Variants in MARCHF6 observed in about 807,000 individuals in gnomAD.
MARCHF6 encodes E3 ubiquitin-protein ligase MARCHF6.
In MARCHF6, 31 loss-of-function variants were observed where a neutral mutation model predicts 133.7. The ratio of observed to expected loss-of-function variants is 0.23; its 90% CI spans 0.17 to 0.31. MARCHF6 has a LOEUF of 0.31. Ranked by LOEUF, MARCHF6 falls within the 10% of genes least tolerant of loss-of-function variation. MARCHF6 has a pLI of 1.00. For missense variants in MARCHF6, 723 were observed against 1,121.6 expected (o/e 0.64, Z 5.08); for synonymous variants, 395 against 402.5 (o/e 0.98, Z 0.22).
intron 22 of MARCHF6, among the ~76,000 whole-genome samples, chr5:10,419,364 T>C (rs938792034): frequency 3.9e-5 from 6 of 152,234 alleles, no homozygotes; most frequent in African/African-American, 1.4e-4. Context: ...TAGAAGTTTT[T>C]GCCCAACTAT....
chr5:10,425,088 C>T (rs1254738499), intron 23 of MARCHF6, among the ~76,000 whole-genome samples: 1 of 152,208 alleles, frequency 6.6e-6, no homozygotes, highest in Non-Finnish European at 1.5e-5. Context: ...GTAAAGTACA[C>T]CTCTTTTTGC....
intron 1 of MARCHF6, among the ~76,000 whole-genome samples, chr5:10,357,150 A>C (rs1165427046): frequency 6.6e-6 from 1 of 151,778 alleles, no homozygotes. Context: ...TAGGAGTCCG[A>C]TCCTGTAATG....
chr5:10,371,737 CA>C (rs1163247563), intron 1 of MARCHF6, among the ~76,000 whole-genome samples: 1 of 152,284 alleles, frequency 6.6e-6, no homozygotes, highest in East Asian at 1.9e-4. Flanking sequence ...GTCAAAGTAA[CA>C]ATTGAATGTT....
At chr5:10,416,537 TAGAA>T (rs1398953137) in intron 21 of MARCHF6, among the ~76,000 whole-genome samples, 1 of 152,218 alleles carries the variant, frequency 6.6e-6, no homozygotes, top group Non-Finnish European at 1.5e-5. Context: ...TCCACATTAT[TAGAA>T]AGTGCCATAT....
intron 22 of MARCHF6, among the ~76,000 whole-genome samples, chr5:10,418,154 G>A (rs569184197): frequency 2.0e-5 from 3 of 152,224 alleles, no homozygotes; most frequent in African/African-American, 7.2e-5. Context: ...CAAGGTGGGT[G>A]GATCACCTGA....
At chr5:10,398,127 A>G (rs779088513) in intron 10 of MARCHF6, among the ~76,000 whole-genome samples, 17 of 152,198 alleles carry the variant, frequency 1.1e-4, no homozygotes, top group Non-Finnish European at 1.3e-4. Flanking sequence ...ATATCCCTAT[A>G]TAGGGATAAT....
In MARCHF6 at chr5:10,415,683, A is replaced by G. The variant is rs1405239931; in HGVS notation, c.2148+14A>G. 2 of 1,601,108 alleles carry G rather than the reference A, an allele frequency of 1.2e-6. No individual in the cohort carries two copies. The highest frequency in any genetic ancestry group is 2.2e-5 in the South Asian group (2 of 90,008). On this transcript the variant is annotated intron_variant, in intron 21 of 25. Coordinates refer to ENST00000274140, the MANE Select transcript of MARCHF6 (RefSeq NM_005885.4). The stretch of plus-strand genomic sequence containing the variant: ...TGGTCTCTCATGGTATGTGTGTGTA[A>G]TACAAGACTGATCTTGTATGTTAGG...
chr5:10,356,683 A>G (rs572708374), intron 1 of MARCHF6, among the ~76,000 whole-genome samples: 28 of 152,156 alleles, frequency 1.8e-4, no homozygotes, highest in Non-Finnish European at 3.8e-4. Context: ...AGCGTGAGCT[A>G]CCGTTCCTGG....
At chr5:10,365,101 C>G (rs1171442860) in intron 1 of MARCHF6, among the ~76,000 whole-genome samples, 1 of 152,116 alleles carries the variant, frequency 6.6e-6, no homozygotes. Context: ...CTGCACCCAG[C>G]CTCCCTGCTT....
chr5:10,421,986 G>A (rs1579615511), intron 22 of MARCHF6: 1 of 152,222 alleles, frequency 6.6e-6, no homozygotes, highest in Admixed American at 6.5e-5. Context: ...ACACATGCCA[G>A]TTTGACAGCA....
chr5:10,407,205 A>C lies in MARCHF6; in HGVS notation c.1553+3A>C. On this transcript the variant is annotated splice_donor_region_variant and intron_variant, in intron 17 of 25. Transcript: ENST00000274140. ...CCATACAATGTCATGCTCTACAGGT[A>C]AGTTTTAAAAATTTAGAATAGCTTT... is the stretch of plus-strand genomic sequence containing the variant. 6.4e-7 allele frequency: 1 copy of C among 1,552,912 alleles called. No homozygotes were observed. Among genetic ancestry groups the C allele is most frequent in the Non-Finnish European group, 8.8e-7 (1 of 1,131,116 alleles).
chr5:10,410,412 T>C, intron 18 of MARCHF6, 136 bp downstream of exon 18: 1 of 985,202 alleles, frequency 1.0e-6, no homozygotes, highest in Non-Finnish European at 1.4e-6. Context: ...ATATTTGCAA[T>C]TGCATATAAT....
In MARCHF6 at chr5:10,410,551, T is replaced by C. The variant is rs375245147; in HGVS notation, c.1691+275T>C. 6.8e-4 allele frequency among the ~76,000 whole-genome samples: 104 copies of C among 152,058 alleles called. 2 individuals carry two copies. In the East Asian group the frequency reaches 0.011, roughly 16 times the overall value. ...GAGTAAATGTCTTTTTTTTTTTTAG[T>C]GCATTAAAAACAAACCAGTTTACCT... On this transcript the variant is annotated intron_variant, in intron 18 of 25. Coordinates refer to ENST00000274140, the MANE Select transcript of MARCHF6 (RefSeq NM_005885.4).
At chr5:10,388,691 T>C (rs768111783) in intron 5 of MARCHF6, among the ~76,000 whole-genome samples, 1 of 152,130 alleles carries the variant, frequency 6.6e-6, no homozygotes, top group Non-Finnish European at 1.5e-5. Context: ...AAAAGGCTAG[T>C]AGGGCTTCTT....
In MARCHF6 at chr5:10,353,828, T is replaced by A; in HGVS notation, c.-71T>A. On this transcript the variant is annotated 5_prime_UTR_variant, in exon 1 of 26. Transcript: ENST00000274140. ...CTGCCCGGGCCCGGCTCCCTCCTCCTCTCCCCTCCCTCTTTCCCCGCCCGG... is the reference window on the plus strand; with the variant it reads ...CTGCCCGGGCCCGGCTCCCTCCTCCACTCCCCTCCCTCTTTCCCCGCCCGG... 1 of 1,436,402 alleles carries A rather than the reference T, an allele frequency of 7.0e-7. No homozygotes were observed. Among genetic ancestry groups the A allele is most frequent in the African/African-American group, 1.5e-5 (1 of 68,312 alleles). The allele number at this position is 1,436,402 out of a possible 1,614,324, so 89.0% of individuals were successfully genotyped here.
intron 4 of MARCHF6, 115 bp from the exon 5 acceptor site, chr5:10,386,879 A>G: frequency 1.4e-6 from 1 of 739,012 alleles, no homozygotes; most frequent in Admixed American, 2.0e-5. Flanking sequence ...TGTAAAGACT[A>G]AATGTTTATT....
chr5:10,375,878 C>T (rs552371249), intron 1 of MARCHF6, among the ~76,000 whole-genome samples: 2 of 152,174 alleles, frequency 1.3e-5, no homozygotes, highest in African/African-American at 2.4e-5. Flanking sequence ...TTTGTGAGTG[C>T]ACCAATCTAC....
At chr5:10,374,801 C>T (rs781494202) in intron 1 of MARCHF6, among the ~76,000 whole-genome samples, 1 of 152,138 alleles carries the variant, frequency 6.6e-6, no homozygotes, top group African/African-American at 2.4e-5. Context: ...CCCTTTGGGT[C>T]GTGGTAGGGG....
rs746636112 is a variant in MARCHF6 at position 10,403,438 on chromosome 5, A to G, written c.1229A>G (p.Glu410Gly). The G allele has an allele frequency of 7.4e-6, 12 of 1,613,892 alleles. No homozygotes were observed. In the South Asian group the frequency reaches 1.3e-4, roughly 18 times the overall value. ...TTTGATGCTACTCTGAAAGATCGAG[A>G]ACTGAGCTTTCAGTCGGCTCCAGGT... Reference protein sequence around the residue: ...EMFDATLKDRELSFQSAPGTT... With the variant: ...EMFDATLKDRGLSFQSAPGTT... Residue 410 changes from glutamate (E) to glycine (G), a missense_variant, in exon 15 of 26, where the codon GAA (glutamate) becomes GGA (glycine). Coordinates refer to ENST00000274140, the MANE Select transcript of MARCHF6 (RefSeq NM_005885.4).
Sources: gnomAD v4.1 joint callset for allele counts (sites outside exome capture counted in the v4.1 genomes callset) on GRCh38, gnomAD v4.1.1 for gene constraint, MANE v1.5 for transcripts, NCBI Gene and HGNC (gene_info 2026-07-23, HGNC 2026-07-21) for gene names.